Variants in STAB2 observed in about 807,000 individuals in gnomAD.
STAB2 encodes the protein stabilin 2, also known as stabilin-2.
Under a neutral mutation model 338.1 loss-of-function variants are expected in STAB2, and 288 were observed. The observed-to-expected ratio is 0.85, with a 90% CI of 0.77 to 0.94. The LOEUF is 0.94. Ranked by LOEUF, STAB2 falls within the 40% of genes least tolerant of loss-of-function variation. The probability of loss-of-function intolerance (pLI) is 0.00; values close to 1 mark genes in which losing one functional copy is unlikely to be tolerated. For missense variants in STAB2, 3,141 were observed against 3,210.1 expected, an observed-to-expected ratio of 0.98 and a Z score of 0.52; for synonymous variants, 1,202 against 1,193.3, an observed-to-expected ratio of 1.01 and a Z score of -0.15.
intron 9 of STAB2, among the ~76,000 whole-genome samples, chr12:103,644,288 A>G (rs1412232071): frequency 3.3e-5 from 5 of 149,290 alleles, no homozygotes; most frequent in African/African-American, 1.2e-4. Flanking sequence ...TAAATGGATT[A>G]AGGGTGGTGC....
At chr12:103,597,202 T>C (rs1956890043) in intron 3 of STAB2, among the ~76,000 whole-genome samples, 1 of 152,158 alleles carries the variant, frequency 6.6e-6, no homozygotes, top group Admixed American at 6.6e-5. Context: ...TGGCAGTATA[T>C]TTTACCTCTC....
At chr12:103,619,981 G>A (rs534823163) in intron 3 of STAB2, among the ~76,000 whole-genome samples, 122 of 152,262 alleles carry the variant, frequency 8.0e-4, no homozygotes, top group African/African-American at 2.7e-3. Flanking sequence ...GGCTCCCTAA[G>A]GCAGCATCAA....
At chr12:103,669,163 C>A (rs1875469133) in intron 20 of STAB2, 2 of 258,936 alleles carry the variant, frequency 7.7e-6, no homozygotes, top group African/African-American at 2.2e-5. Flanking sequence ...TGACTTCTGG[C>A]CCTACCTGCC....
At chr12:103,728,505 T>C (rs897901941) in intron 47 of STAB2, among the ~76,000 whole-genome samples, 1 of 152,266 alleles carries the variant, frequency 6.6e-6, no homozygotes, top group Non-Finnish European at 1.5e-5. Flanking sequence ...GAGGGCTATA[T>C]ACTATGCAGT....
intron 39 of STAB2, among the ~76,000 whole-genome samples, chr12:103,710,762 T>C (rs1205043271): frequency 6.6e-6 from 1 of 152,210 alleles, no homozygotes; most frequent in Non-Finnish European, 1.5e-5. Flanking sequence ...AGGCCTCTGT[T>C]TCAGGACCTC....
chr12:103,719,348 TACAG>T (rs1192673799), intron 44 of STAB2, among the ~76,000 whole-genome samples: 1 of 152,192 alleles, frequency 6.6e-6, no homozygotes, highest in Non-Finnish European at 1.5e-5. Flanking sequence ...AACCCCATTT[TACAG>T]ACAAAGAGAC....
intron 27 of STAB2, among the ~76,000 whole-genome samples, chr12:103,685,936 T>C (rs1877390900): frequency 6.6e-6 from 1 of 152,162 alleles, no homozygotes; most frequent in African/African-American, 2.4e-5. Context: ...TCCTGGTCTC[T>C]GGTAGCCACG....
intron 44 of STAB2, among the ~76,000 whole-genome samples, chr12:103,724,324 G>T (rs1204572998): frequency 6.6e-6 from 1 of 152,192 alleles, no homozygotes; most frequent in Non-Finnish European, 1.5e-5. Context: ...AGGAAGAGGT[G>T]AAGGGAGCTT....
At chr12:103,672,394 G>A (rs965196867) in intron 22 of STAB2, among the ~76,000 whole-genome samples, 1 of 152,232 alleles carries the variant, frequency 6.6e-6, no homozygotes, top group African/African-American at 2.4e-5. Context: ...GGATGGGGCG[G>A]TGGCCTTCCA....
At chr12:103,716,137 A>G (rs1880295312) in intron 43 of STAB2, among the ~76,000 whole-genome samples, 1 of 152,354 alleles carries the variant, frequency 6.6e-6, no homozygotes, top group African/African-American at 2.4e-5. Flanking sequence ...TGCAAATACC[A>G]TGTGATTCCA....
intron 68 of STAB2, among the ~76,000 whole-genome samples, chr12:103,765,108 AAAAG>A (rs1884839189): frequency 7.0e-6 from 1 of 142,284 alleles, no homozygotes; most frequent in South Asian, 2.4e-4. Context: ...AAAAAAAAAA[AAAAG>A]GGAGGTGGTA....
chr12:103,655,365 G>C (rs554431954), intron 14 of STAB2, 58 bp downstream of exon 14: 1 of 1,603,640 alleles, frequency 6.2e-7, no homozygotes, highest in African/African-American at 1.3e-5. Flanking sequence ...TGTAAAATTA[G>C]CAGGGGTGTC....
intron 11 of STAB2, among the ~76,000 whole-genome samples, chr12:103,651,026 G>GA (rs1873703383): frequency 1.3e-5 from 2 of 152,114 alleles, no homozygotes; most frequent in South Asian, 4.1e-4. Context: ...AAGCGATAAG[G>GA]AAAAAATAAG....
intron 24 of STAB2, among the ~76,000 whole-genome samples, chr12:103,676,323 C>G (rs1485219732): frequency 6.6e-6 from 1 of 151,746 alleles, no homozygotes; most frequent in Non-Finnish European, 1.5e-5. Flanking sequence ...TCCCAAAGTG[C>G]TAGGACTACA....
chr12:103,638,294 C>G, intron 8 of STAB2, 82 bp downstream of exon 8: 1 of 1,435,534 alleles, frequency 7.0e-7, no homozygotes, highest in African/African-American at 1.4e-5. Context: ...GTCTTCTATG[C>G]CATCCCAATT....
At position 103,711,470 on chromosome 12, in the gene STAB2, G is replaced by T. The variant is rs745661026; in HGVS notation, c.4289-1G>T. On this transcript the variant is annotated splice_acceptor_variant, in intron 39 of 68. Transcript: ENST00000388887. LOFTEE classifies it high-confidence loss of function. ...AGACAGCAACTGGTTCTCTTTTTCA[G>T]CAACCACAGAAGACAACTGCAATGG... is the stretch of plus-strand genomic sequence containing the variant. The T allele has an allele frequency of 8.7e-6, 14 of 1,613,940 alleles. No homozygotes were observed. The highest frequency in any genetic ancestry group is 1.2e-5 in the Non-Finnish European group (14 of 1,180,020).
intron 3 of STAB2, among the ~76,000 whole-genome samples, chr12:103,604,818 GC>G (rs1281373883): frequency 6.6e-6 from 1 of 150,552 alleles, no homozygotes; most frequent in Non-Finnish European, 1.5e-5. Context: ...TTACTCTATT[GC>G]TTTTCTAATT....
chr12:103,739,607 G>T, intron 54 of STAB2, 139 bp downstream of exon 54: 1 of 708,764 alleles, frequency 1.4e-6, no homozygotes, highest in South Asian at 4.3e-5. Flanking sequence ...TGTAATTTAT[G>T]TCATTCTTTC....
chr12:103,642,325 T>G (rs1295821302), intron 9 of STAB2, among the ~76,000 whole-genome samples: 1 of 152,292 alleles, frequency 6.6e-6, no homozygotes, highest in Non-Finnish European at 1.5e-5. Context: ...TTAACTAAAC[T>G]CAGCTGAAAA....
Sources: allele counts gnomAD v4.1 joint callset (sites outside exome capture counted in the v4.1 genomes callset), GRCh38; gene constraint gnomAD v4.1.1; transcripts MANE v1.5; gene names NCBI Gene and HGNC (gene_info 2026-07-23, HGNC 2026-07-21).